The following RPS6KC1 variants were observed in gnomAD, a reference collection of about 807,000 sequenced individuals.
RPS6KC1 encodes the protein inactive ribosomal protein S6 kinase delta-1.
In RPS6KC1, 54 loss-of-function variants were observed where a neutral mutation model predicts 103.8. That is an observed-to-expected ratio of 0.52 (90% CI 0.42 to 0.65). RPS6KC1 has a LOEUF of 0.65. Among genes scored for constraint, RPS6KC1 ranks in the 30% least tolerant of loss-of-function variants. RPS6KC1 has a pLI of 0.00. For missense variants in RPS6KC1, 1,151 were observed against 1,253.8 expected (o/e 0.92, Z 1.24); for synonymous variants, 439 against 438.7 (o/e 1.00, Z -0.01).
intron 7 of RPS6KC1, among the ~76,000 whole-genome samples, chr1:213,175,536 G>A (rs895152927): frequency 1.3e-5 from 2 of 152,156 alleles, no homozygotes; most frequent in Admixed American, 6.5e-5. Flanking sequence ...GTACTTTATA[G>A]TTGTAAATGT....
At chr1:213,568,667 G>A in the RPS6KC1 span, among the ~76,000 whole-genome samples, 5 of 152,112 alleles carry the variant, frequency 3.3e-5, no homozygotes, top group Admixed American at 1.3e-4. Context: ...ACAATATCAT[G>A]CCCATTTTAA....
the RPS6KC1 span, among the ~76,000 whole-genome samples, chr1:213,771,408 A>C: frequency 6.6e-6 from 1 of 152,210 alleles, no homozygotes; most frequent in Non-Finnish European, 1.5e-5. Flanking sequence ...GTAAGAAGTG[A>C]GCAGGTTGTA....
the RPS6KC1 span, among the ~76,000 whole-genome samples, chr1:213,805,596 A>G: frequency 4.6e-5 from 7 of 152,210 alleles, no homozygotes; most frequent in Non-Finnish European, 1.0e-4. Context: ...TGCTATTTCC[A>G]CTACATCTGC....
the RPS6KC1 span, among the ~76,000 whole-genome samples, chr1:213,755,736 G>T: frequency 6.6e-6 from 1 of 152,186 alleles, no homozygotes; most frequent in Admixed American, 6.5e-5. Context: ...ATGCTCTTAT[G>T]CAGACATGAA....
At chr1:213,142,662 A>G (rs148883123) in intron 6 of RPS6KC1, among the ~76,000 whole-genome samples, 2 of 152,058 alleles carry the variant, frequency 1.3e-5, no homozygotes, top group Non-Finnish European at 2.9e-5. Context: ...CATCCGGTAG[A>G]TGGCGATTAA....
chr1:213,654,453 AC>A, the RPS6KC1 span, among the ~76,000 whole-genome samples: 1 of 152,194 alleles, frequency 6.6e-6, no homozygotes, highest in Non-Finnish European at 1.5e-5. Context: ...TCCACCTTTC[AC>A]TAAAATGAAA....
chr1:213,525,367 CTAAAG>C, the RPS6KC1 span, among the ~76,000 whole-genome samples: 1 of 152,040 alleles, frequency 6.6e-6, no homozygotes. Flanking sequence ...CATTTACTGA[CTAAAG>C]TAAAGCAGGG....
the RPS6KC1 span, chr1:213,822,288 C>T: frequency 2.0e-5 from 3 of 152,214 alleles, no homozygotes; most frequent in Non-Finnish European, 2.9e-5. Flanking sequence ...TCCTCTTCTT[C>T]CTAATCTCTA....
chr1:213,622,997 G>A, the RPS6KC1 span, among the ~76,000 whole-genome samples: 3 of 152,064 alleles, frequency 2.0e-5, no homozygotes, highest in Admixed American at 6.6e-5. Context: ...AATAGGGCCC[G>A]TCCTAGAGGC....
intron 8 of RPS6KC1, among the ~76,000 whole-genome samples, chr1:213,204,267 A>T (rs1213113268): frequency 6.6e-6 from 1 of 152,218 alleles, no homozygotes; most frequent in Non-Finnish European, 1.5e-5. Context: ...ACTCGATTGG[A>T]GAGTTAGACA....
At chr1:213,808,815 T>A in the RPS6KC1 span, among the ~76,000 whole-genome samples, 1 of 152,184 alleles carries the variant, frequency 6.6e-6, no homozygotes, top group Non-Finnish European at 1.5e-5. Flanking sequence ...TGGCACTCCC[T>A]AGTGAGATGA....
At chr1:213,808,425 G>C in the RPS6KC1 span, among the ~76,000 whole-genome samples, 1 of 152,254 alleles carries the variant, frequency 6.6e-6, no homozygotes, top group Admixed American at 6.5e-5. Context: ...AGCTGTGGTG[G>C]GCTCCACCCA....
chr1:213,193,167 T>G (rs917029232), intron 8 of RPS6KC1, among the ~76,000 whole-genome samples: 1 of 152,200 alleles, frequency 6.6e-6, no homozygotes, highest in Non-Finnish European at 1.5e-5. Context: ...AAGAATGTAT[T>G]TTCTATAGCC....
At chr1:213,492,399 A>G in the RPS6KC1 span, 1 of 152,254 alleles carries the variant, frequency 6.6e-6, no homozygotes, top group Non-Finnish European at 1.5e-5. Flanking sequence ...CGTCCTTGAC[A>G]TAACTAACCA....
the RPS6KC1 span, among the ~76,000 whole-genome samples, chr1:213,831,563 A>G: frequency 9.8e-5 from 15 of 152,344 alleles, no homozygotes; most frequent in African/African-American, 3.4e-4. Context: ...TTAAGCCACT[A>G]CATTTGTGGT....
the RPS6KC1 span, among the ~76,000 whole-genome samples, chr1:213,624,552 G>A: frequency 6.6e-6 from 1 of 152,322 alleles, no homozygotes; most frequent in African/African-American, 2.4e-5. Flanking sequence ...TGGAGGAGGT[G>A]AGATTTGAAC....
chr1:213,434,413 A>G, the RPS6KC1 span, among the ~76,000 whole-genome samples: 56 of 152,222 alleles, frequency 3.7e-4, no homozygotes, highest in Admixed American at 4.6e-4. Context: ...ATTGTTTCCA[A>G]TGAGAAATCT....
intron 6 of RPS6KC1, among the ~76,000 whole-genome samples, chr1:213,155,614 G>A (rs2089793056): frequency 6.6e-6 from 1 of 152,170 alleles, no homozygotes; most frequent in Non-Finnish European, 1.5e-5. Context: ...TCTGCACCAT[G>A]CTCCAGTAGG....
intron 12 of RPS6KC1, among the ~76,000 whole-genome samples, chr1:213,249,988 T>C (rs1203605691): frequency 2.0e-5 from 3 of 152,010 alleles, no homozygotes; most frequent in Non-Finnish European, 4.4e-5. Context: ...CAGAGCTAGG[T>C]AGTGGGAGAA....
Sources: allele counts gnomAD v4.1 joint callset (sites outside exome capture counted in the v4.1 genomes callset), GRCh38; gene constraint gnomAD v4.1.1; transcripts MANE v1.5; gene names NCBI Gene and HGNC (gene_info 2026-07-23, HGNC 2026-07-21).